Variants in ANKDD1B observed in about 807,000 individuals in gnomAD.
The protein encoded by ANKDD1B is ankyrin repeat and death domain containing 1B, also known as ankyrin repeat and death domain-containing protein 1B.
Under a neutral mutation model 59.7 loss-of-function variants are expected in ANKDD1B, and 57 were observed. The ratio of observed to expected loss-of-function variants is 0.95; its 90% CI spans 0.77 to 1.19. The LOEUF is 1.19. ANKDD1B is among the 50% of genes most tolerant of loss of function. ANKDD1B has a pLI of 0.00. For synonymous variants in ANKDD1B, 216 were observed against 239.5 expected (o/e 0.90, Z 0.91); for missense variants, 602 against 641.9 (o/e 0.94, Z 0.67).
At chr5:75,653,360 C>T (rs1774880138) in intron 8 of ANKDD1B, 120 bp downstream of exon 8, 1 of 657,904 alleles carries the variant, frequency 1.5e-6, no homozygotes, top group African/African-American at 1.8e-5. Context: ...GGAATTCTTT[C>T]TGGGAAGGCT....
At chr5:75,659,544 G>C (rs1775063886) in intron 10 of ANKDD1B, among the ~76,000 whole-genome samples, 163 bp downstream of exon 10, 1 of 152,152 alleles carries the variant, frequency 6.6e-6, no homozygotes, top group Admixed American at 6.5e-5. Flanking sequence ...TTTTGGTTGA[G>C]CTATGTCAGT....
intron 9 of ANKDD1B, among the ~76,000 whole-genome samples, chr5:75,657,235 G>A (rs1404039177): frequency 6.6e-6 from 1 of 152,086 alleles, no homozygotes; most frequent in East Asian, 1.9e-4. Flanking sequence ...GGGAAGGAGT[G>A]TTTGTTAGGT....
chr5:75,631,768 T>G (rs1774167159), intron 5 of ANKDD1B, among the ~76,000 whole-genome samples: 1 of 152,154 alleles, frequency 6.6e-6, no homozygotes, highest in Non-Finnish European at 1.5e-5. Flanking sequence ...AGATGTTGCC[T>G]GTGATAACTT....
At chr5:75,625,075 A>G (rs908263564) in intron 3 of ANKDD1B, among the ~76,000 whole-genome samples, 11 of 152,294 alleles carry the variant, frequency 7.2e-5, no homozygotes, top group South Asian at 4.1e-4. Context: ...AGAATTAGGT[A>G]CTGACATTTT....
intron 8 of ANKDD1B, among the ~76,000 whole-genome samples, chr5:75,655,080 C>T (rs1477069421): frequency 6.6e-6 from 1 of 152,198 alleles, no homozygotes; most frequent in African/African-American, 2.4e-5. Flanking sequence ...CTCCTGGAGG[C>T]ATGTCTCCTC....
intron 7 of ANKDD1B, among the ~76,000 whole-genome samples, chr5:75,641,475 C>G (rs1400061496): frequency 6.6e-6 from 1 of 152,172 alleles, no homozygotes; most frequent in Non-Finnish European, 1.5e-5. Flanking sequence ...GAACTAACAT[C>G]CTTAATAGTT....
At chr5:75,635,428 A>G (rs1774273754) in intron 6 of ANKDD1B, 1 of 201,678 alleles carries the variant, frequency 5.0e-6, no homozygotes, top group Non-Finnish European at 1.0e-5. Context: ...ACATTTTAAA[A>G]TCTTTGAGTA....
In ANKDD1B at chr5:75,635,207, A is replaced by G. The variant is rs1774267045; in HGVS notation, c.699+211A>G. 3 of 440,150 alleles carry G rather than the reference A, an allele frequency of 6.8e-6. No homozygotes were observed. The Admixed American group carries it at 1.0e-4, about 15-fold the overall frequency. 27.3% of individuals were successfully genotyped at this position (440,150 alleles called of 1,614,324 possible). ...TGTCCAGATTGGCAGTTTTTGCTTCATAAATGTTTGTGAAGTCGATAGACC... is the reference window on the plus strand; with the variant it reads ...TGTCCAGATTGGCAGTTTTTGCTTCGTAAATGTTTGTGAAGTCGATAGACC... On this transcript the variant is annotated intron_variant, in intron 6 of 13. Transcript: ENST00000601380.
At chr5:75,616,928 T>C (rs532855548) in intron 2 of ANKDD1B, 21 bp downstream of exon 2, 1 of 1,140,368 alleles carries the variant, frequency 8.8e-7, no homozygotes, top group Admixed American at 2.2e-5. Context: ...GTCATAAATA[T>C]GACAAGTGAC....
intron 3 of ANKDD1B, among the ~76,000 whole-genome samples, chr5:75,621,985 A>G (rs1432266900): frequency 1.3e-5 from 2 of 152,200 alleles, no homozygotes; most frequent in Non-Finnish European, 2.9e-5. Context: ...AACTAATTAA[A>G]TCATCTACAG....
At chr5:75,613,425 G>T (rs1051162309) in intron 1 of ANKDD1B, among the ~76,000 whole-genome samples, 2 of 152,194 alleles carry the variant, frequency 1.3e-5, no homozygotes, top group African/African-American at 4.8e-5. Context: ...AAGGGGATGG[G>T]ATCCAGAGCC....
At chr5:75,650,094 G>T (rs747628012) in intron 7 of ANKDD1B, among the ~76,000 whole-genome samples, 1 of 152,190 alleles carries the variant, frequency 6.6e-6, no homozygotes, top group South Asian at 2.1e-4. Context: ...GGGGTGATGT[G>T]GTAGGCAGGG....
chr5:75,641,187 A>AT (rs1460552198), intron 7 of ANKDD1B, among the ~76,000 whole-genome samples: 10 of 152,218 alleles, frequency 6.6e-5, no homozygotes, highest in African/African-American at 2.2e-4. Flanking sequence ...TATTATTTTT[A>AT]TTTTTTTAGA....
chr5:75,653,553 T>G (rs1190686356), intron 8 of ANKDD1B, among the ~76,000 whole-genome samples: 1 of 152,212 alleles, frequency 6.6e-6, no homozygotes, highest in African/African-American at 2.4e-5. Flanking sequence ...ATTTTATTAG[T>G]CTGGGAAAAT....
At chr5:75,618,519 G>C (rs1773769671) in intron 2 of ANKDD1B, among the ~76,000 whole-genome samples, 1 of 152,138 alleles carries the variant, frequency 6.6e-6, no homozygotes, top group Non-Finnish European at 1.5e-5. Flanking sequence ...TCTGTTTACT[G>C]TTTACAGCAA....
chr5:75,666,690 G>T lies in ANKDD1B; in HGVS notation c.1192-102G>T, dbSNP rs549222518. On this transcript the variant is annotated intron_variant, in intron 11 of 13. Transcript: ENST00000601380. ...AGGAGGCATTGAAAACATAGTCTCG[G>T]TTACCACCTTACTAGTTATGTTTGA... 1,003 of 843,326 alleles carry T rather than the reference G, an allele frequency of 1.2e-3. 2 individuals carry two copies. The highest frequency in any genetic ancestry group is 1.6e-3 in the Non-Finnish European group (845 of 537,962). The allele number at this position is 843,326 out of a possible 1,614,324, so 52.2% of individuals were successfully genotyped here.
At chr5:75,650,125 A>G (rs552117060) in intron 7 of ANKDD1B, among the ~76,000 whole-genome samples, 1 of 152,330 alleles carries the variant, frequency 6.6e-6, no homozygotes, top group East Asian at 1.9e-4. Flanking sequence ...CACCCCAGAG[A>G]TGTTCACATC....
rs979568575 is a variant in ANKDD1B, at chr5:75,624,954, T to C, written c.397-693T>C. On this transcript the variant is annotated intron_variant, in intron 3 of 13. Transcript: ENST00000601380. ...TGTAGCACCAATTCATTATTTTTAA[T>C]GCTTGCATTATATAGTCTGACTATT... Among the ~76,000 whole-genome samples, 7 of 152,386 alleles carry C rather than the reference T, an allele frequency of 4.6e-5. No individual in the cohort carries two copies. The South Asian group carries it at 1.0e-3, about 23-fold the overall frequency.
chr5:75,667,621 G>T (rs908122788), intron 12 of ANKDD1B, among the ~76,000 whole-genome samples: 1 of 152,152 alleles, frequency 6.6e-6, no homozygotes, highest in African/African-American at 2.4e-5. Context: ...GTGAAGTCAG[G>T]TCAGCTAGAT....
Sources: allele counts gnomAD v4.1 joint callset (sites outside exome capture counted in the v4.1 genomes callset), GRCh38; gene constraint gnomAD v4.1.1; transcripts MANE v1.5; gene names NCBI Gene and HGNC (gene_info 2026-07-23, HGNC 2026-07-21).